The following RELN variants were observed in gnomAD, a reference collection of about 807,000 sequenced individuals.
RELN encodes the protein reelin.
A neutral mutation model predicts 427.6 loss-of-function variants in RELN; 108 were observed. The observed-to-expected ratio is 0.25, with a 90% CI of 0.22 to 0.30. The LOEUF is 0.30. RELN is among the 10% of genes least tolerant of loss of function. RELN has a pLI of 1.00. For synonymous variants in RELN, 1,524 were observed against 1,513.4 expected, an observed-to-expected ratio of 1.01 and a Z score of -0.16; for missense variants, 3,715 against 4,302.8, an observed-to-expected ratio of 0.86 and a Z score of 3.82.
At chr7:103,931,685 A>G (rs749299410) in intron 1 of RELN, among the ~76,000 whole-genome samples, 5 of 152,206 alleles carry the variant, frequency 3.3e-5, no homozygotes, top group Non-Finnish European at 5.9e-5. Flanking sequence ...CTATTAGAAA[A>G]TCACCATCCA....
intron 3 of RELN, among the ~76,000 whole-genome samples, chr7:103,817,567 T>G (rs925298681): frequency 6.6e-6 from 1 of 152,238 alleles, no homozygotes; most frequent in Non-Finnish European, 1.5e-5. Context: ...GAAACCATGA[T>G]GTCAAAGAAG....
intron 16 of RELN, among the ~76,000 whole-genome samples, chr7:103,646,595 AAAATAAC>A (rs1395294843): frequency 6.6e-6 from 1 of 151,834 alleles, no homozygotes; most frequent in Non-Finnish European, 1.5e-5. Flanking sequence ...CCGGAAAAGA[AAAATAAC>A]AAGTAGTGAC....
chr7:103,856,663 C>T (rs966594465), intron 2 of RELN, among the ~76,000 whole-genome samples: 2 of 151,272 alleles, frequency 1.3e-5, no homozygotes, highest in Non-Finnish European at 2.9e-5. Flanking sequence ...AATTGGAAAT[C>T]GTATATAGGA....
intron 6 of RELN, among the ~76,000 whole-genome samples, chr7:103,740,674 T>A (rs1025827928): frequency 6.6e-6 from 1 of 152,348 alleles, no homozygotes; most frequent in East Asian, 1.9e-4. Flanking sequence ...TAAAGAATTA[T>A]GTGAGATAGA....
rs757990510 is a variant in RELN at position 103,774,112 on chromosome 7, A to C, written c.544+2445T>G. On this transcript the variant is annotated intron_variant, in intron 4 of 64. Coordinates refer to ENST00000428762, the MANE Select transcript of RELN (RefSeq NM_005045.4). The stretch of plus-strand genomic sequence containing the variant: ...GGAGTTCAAGACTAGCCTGGCCAAC[A>C]TGGTGAAACCTCGTCTCTACTAAAA... Among the ~76,000 whole-genome samples the C allele has an allele frequency of 4.6e-5, 7 of 152,132 alleles. No individual in the cohort carries two copies. The East Asian group carries it at 1.2e-3, about 25-fold the overall frequency.
At chr7:103,845,130 G>T (rs1003511351) in intron 2 of RELN, among the ~76,000 whole-genome samples, 1 of 141,304 alleles carries the variant, frequency 7.1e-6, no homozygotes, top group African/African-American at 2.7e-5. Context: ...AGGTAGAACC[G>T]TTTTATCAAA....
chr7:103,960,355 C>A (rs1324897973), intron 1 of RELN, among the ~76,000 whole-genome samples: 6 of 152,182 alleles, frequency 3.9e-5, no homozygotes, highest in African/African-American at 1.4e-4. Flanking sequence ...GCTGCAAGCT[C>A]ACTCTCTCCT....
At chr7:103,713,806 T>C (rs17154633) in intron 8 of RELN, among the ~76,000 whole-genome samples, 40,833 of 152,096 alleles carry the variant, frequency 0.27, 5,617 homozygotes, top group South Asian at 0.38. Flanking sequence ...AATAATTCTG[T>C]CTCAGATAAG....
chr7:103,835,426 C>G (rs1385751554), intron 2 of RELN, among the ~76,000 whole-genome samples: 2 of 152,074 alleles, frequency 1.3e-5, no homozygotes, highest in Non-Finnish European at 2.9e-5. Flanking sequence ...AGAGTGAACC[C>G]TACTGTTAAC....
At chr7:103,794,746 G>C (rs936193017) in intron 3 of RELN, among the ~76,000 whole-genome samples, 2 of 152,022 alleles carry the variant, frequency 1.3e-5, no homozygotes, top group Non-Finnish European at 2.9e-5. Flanking sequence ...TTGCTGTAGG[G>C]GGGCTTTCCT....
chr7:103,756,485 T>TGTCC (rs1791157665), intron 4 of RELN, among the ~76,000 whole-genome samples: 1 of 152,190 alleles, frequency 6.6e-6, no homozygotes, highest in South Asian at 2.1e-4. Context: ...GCAGAAAATA[T>TGTCC]GTCCACCCAA....
Position 103,989,229 on chromosome 7 carries a change from T to C in RELN, c.128A>G (p.His43Arg). The C allele has an allele frequency of 6.2e-7, 1 of 1,614,006 alleles. No homozygotes were observed. The highest frequency in any genetic ancestry group is 8.5e-7 in the Non-Finnish European group (1 of 1,179,960). ...FSPFFFLCTHHGELEGDGEQG... is the reference protein window; with the variant it reads ...FSPFFFLCTHRGELEGDGEQG... ...CTCCCCATCCCCTTCCAGCTCCCCG[T>C]GGTGGGTGCACAGGAAAAAGAAGGG... Residue 43 changes from histidine (H) to arginine (R), a missense_variant, in exon 1 of 65, where the codon CAC becomes CGC. By Grantham distance (29) the His-to-Arg change is conservative (BLOSUM62 0). Transcript: ENST00000428762. This position sits in a 1 kb window ranked among gnomAD's most constrained non-coding sequence, Gnocchi z 4.9.
intron 1 of RELN, among the ~76,000 whole-genome samples, chr7:103,965,535 A>G (rs908240123): frequency 3.3e-5 from 5 of 152,254 alleles, no homozygotes; most frequent in Non-Finnish European, 5.9e-5. Context: ...TCATTTTTAT[A>G]TATTTTTAAG....
chr7:103,769,819 T>C (rs1220567089), intron 4 of RELN, among the ~76,000 whole-genome samples: 2 of 152,246 alleles, frequency 1.3e-5, no homozygotes, highest in East Asian at 1.9e-4. Flanking sequence ...TTAATCATGT[T>C]GTCTCAACAC....
At chr7:103,585,921 C>A (rs1831259484) in intron 28 of RELN, among the ~76,000 whole-genome samples, 2 of 152,150 alleles carry the variant, frequency 1.3e-5, no homozygotes, top group Non-Finnish European at 2.9e-5. Context: ...CAGTAAATGT[C>A]ATTCACCACA....
intron 43 of RELN, among the ~76,000 whole-genome samples, chr7:103,541,653 A>G (rs1345461235): frequency 6.6e-6 from 1 of 152,242 alleles, no homozygotes; most frequent in Non-Finnish European, 1.5e-5. Context: ...ACAGAGAAAT[A>G]CTTTTAGTAT....
At chr7:103,976,955 G>A (rs983625858) in intron 1 of RELN, among the ~76,000 whole-genome samples, 4 of 152,140 alleles carry the variant, frequency 2.6e-5, no homozygotes, top group Non-Finnish European at 1.5e-5. Flanking sequence ...AGGAGGCTGA[G>A]GTTGGGAGGA....
chr7:103,662,628 A>AT (rs1238362686), intron 11 of RELN, among the ~76,000 whole-genome samples: 1 of 150,446 alleles, frequency 6.6e-6, no homozygotes, highest in Non-Finnish European at 1.5e-5. Flanking sequence ...TCCGTCACAA[A>AT]AAAAAAAAAA....
chr7:103,565,227 T>C (rs1471123868), intron 34 of RELN, 51 bp downstream of exon 34: 1 of 1,589,746 alleles, frequency 6.3e-7, no homozygotes, highest in Non-Finnish European at 8.6e-7. Context: ...ATTTTCAAAT[T>C]AAGTGACAGG....
Sources: allele counts gnomAD v4.1 joint callset (sites outside exome capture counted in the v4.1 genomes callset), GRCh38; gene constraint gnomAD v4.1.1; non-coding constraint Gnocchi (gnomAD v3.1); transcripts MANE v1.5; gene names NCBI Gene and HGNC (gene_info 2026-07-23, HGNC 2026-07-21).